The following GRIK5 variants were observed in gnomAD, a reference collection of about 807,000 sequenced individuals.
The protein encoded by GRIK5 is glutamate ionotropic receptor kainate type subunit 5.
A neutral mutation model predicts 97.4 loss-of-function variants in GRIK5; 43 were observed. That is an observed-to-expected ratio of 0.44 (90% CI 0.35 to 0.57). GRIK5 has a LOEUF of 0.57. Among genes scored for constraint, GRIK5 ranks in the 20% least tolerant of loss-of-function variants. The pLI is 0.01. For synonymous variants in GRIK5, 580 were observed against 583.5 expected, an observed-to-expected ratio of 0.99 and a Z score of 0.09; for missense variants, 1,015 against 1,382.0, an observed-to-expected ratio of 0.73 and a Z score of 4.21.
In GRIK5 at chr19:42,051,861, A is replaced by G. The variant is rs973305495; in HGVS notation, c.1269+1741T>C. On this transcript the variant is annotated intron_variant, in intron 11 of 19. Transcript: ENST00000593562. ...CCTCCTGCCGCTCCTGCTGCCTGGG[A>G]TATTTTCTGGGCACCCAACTCCTAT... 2.6e-5 allele frequency among the ~76,000 whole-genome samples: 4 copies of G among 152,088 alleles called. No individual in the cohort carries two copies. The East Asian group carries it at 5.8e-4, about 22-fold the overall frequency.
In GRIK5 at chr19:42,062,358, G is replaced by A. The variant is rs180708912; in HGVS notation, c.508+130C>T. ...CCAGAGGCCTCGGTTTCTGAAGATG[G>A]GAGAAGAGCCTGGTGCCTGGGTGCC... is the stretch of plus-strand genomic sequence containing the variant. On this transcript the variant is annotated intron_variant, in intron 5 of 19. Coordinates refer to ENST00000593562, the MANE Select transcript of GRIK5 (RefSeq NM_002088.5). The surrounding 1 kb of genome is among the most constrained non-coding windows in gnomAD (Gnocchi z 5.3). 268 of 831,450 alleles carry A rather than the reference G, an allele frequency of 3.2e-4. No homozygotes were observed. The African/African-American group carries it at 4.4e-3, about 14-fold the overall frequency. The allele number at this position is 831,450 out of a possible 1,614,324, so 51.5% of individuals were successfully genotyped here.
Position 42,003,657 on chromosome 19 carries a change from G to C in GRIK5, c.2290C>G (p.Leu764Val). Residue 764 changes from leucine to valine, a missense_variant, in exon 18 of 20, where the codon CTG (leucine) becomes GTG (valine). Coordinates refer to ENST00000593562, the MANE Select transcript of GRIK5 (RefSeq NM_002088.5). The surrounding 1 kb of genome is among the most constrained non-coding windows in gnomAD (Gnocchi z 4.2). The part of the protein sequence containing the change: ...LGSPFRDEIT[L>V]AILQLQENNR... ...TTCTCCTGAAGCTGCAGGATGGCCAGTGTGATCTCATCCCGGAACGGGGAG... is the reference window on the plus strand; with the variant it reads ...TTCTCCTGAAGCTGCAGGATGGCCACTGTGATCTCATCCCGGAACGGGGAG... 6.2e-7 allele frequency: 1 copy of C among 1,613,470 alleles called. No homozygotes were observed. The highest frequency in any genetic ancestry group is 1.7e-4 in the Middle Eastern group (1 of 6,050).
intron 1 of GRIK5, chr19:42,068,973 C>A: frequency 1.7e-6 from 1 of 581,188 alleles, no homozygotes; most frequent in Non-Finnish European, 3.1e-6. Context: ...TAAGTGAGAG[C>A]CCAAGTAAGA....
At chr19:42,036,801 G>C (rs1430142978) in intron 12 of GRIK5, among the ~76,000 whole-genome samples, 2 of 152,212 alleles carry the variant, frequency 1.3e-5, no homozygotes, top group Non-Finnish European at 2.9e-5. Context: ...TAGCTAAGTA[G>C]ACAAGGCTCC....
At chr19:42,035,834 T>C (rs1043693001) in intron 12 of GRIK5, among the ~76,000 whole-genome samples, 17 of 152,236 alleles carry the variant, frequency 1.1e-4, no homozygotes, top group African/African-American at 4.1e-4. Flanking sequence ...TTTGTACCAT[T>C]TGGTATTTTA....
chr19:42,018,836 C>G (rs2075662615), intron 15 of GRIK5, among the ~76,000 whole-genome samples: 1 of 152,228 alleles, frequency 6.6e-6, no homozygotes, highest in South Asian at 2.1e-4. Context: ...GATCAGCTAC[C>G]AGGCAAGTCC....
chr19:42,029,579 AAAAC>A (rs1283147752), intron 12 of GRIK5, among the ~76,000 whole-genome samples: 2 of 152,124 alleles, frequency 1.3e-5, no homozygotes, highest in Non-Finnish European at 2.9e-5. Context: ...ACTTCGTCTC[AAAAC>A]AAACAAAAAA....
Position 42,042,721 on chromosome 19 carries a change from T to A in GRIK5, c.1304A>T (p.Gln435Leu). The change falls in exon 12 of 20, where the codon CAG (glutamine) becomes CTG (leucine). Residue 435 changes from glutamine (Q) to leucine (L), a missense_variant. Gln to Leu is a moderately radical substitution (Grantham distance 113). This residue lies in a region of GRIK5 where 477 missense variants were observed against 701.1 expected (regional missense o/e 0.68). Transcript: ENST00000593562. This position sits in a 1 kb window ranked among gnomAD's most constrained non-coding sequence, Gnocchi z 6.9. Reference sequence around the variant, plus strand: ...GAAGCGTTCGTTCCCCGACAGGGCCTGGAAGTTGGGCCGGCGCATGACGTA... The same window carrying A: ...GAAGCGTTCGTTCCCCGACAGGGCCAGGAAGTTGGGCCGGCGCATGACGTA... The part of the protein sequence containing the change: ...NPYVMRRPNF[Q>L]ALSGNERFEG... The A allele has an allele frequency of 6.2e-7, 1 of 1,613,658 alleles. No homozygotes were observed. Among genetic ancestry groups the A allele is most frequent in the Non-Finnish European group, 8.5e-7 (1 of 1,179,976 alleles).
chr19:42,038,633 G>A (rs757629634), intron 12 of GRIK5, among the ~76,000 whole-genome samples: 1 of 152,258 alleles, frequency 6.6e-6, no homozygotes, highest in African/African-American at 2.4e-5. Context: ...CTGGAGGGCT[G>A]GAAAGGGCAC....
intron 19 of GRIK5, chr19:42,001,772 C>A: frequency 4.1e-6 from 1 of 243,210 alleles, no homozygotes. Flanking sequence ...AACTGTGAAC[C>A]AATGGAAGCT....
At chr19:42,064,157 C>A (rs1264700561) in intron 3 of GRIK5, among the ~76,000 whole-genome samples, 1 of 152,216 alleles carries the variant, frequency 6.6e-6, no homozygotes, top group Non-Finnish European at 1.5e-5. Context: ...AGACATATAT[C>A]AGAGTACACA....
chr19:42,056,818 G>A lies in GRIK5; in HGVS notation c.747C>T (p.Phe249=). ...FYKYILTTMD[F]PILHLDGIVE... ...CAATACCGTCCAGATGCAGGATGGGGAAGTCCTGGGACCAGGAAGAGGTGG... is the reference window on the plus strand; with the variant it reads ...CAATACCGTCCAGATGCAGGATGGGAAAGTCCTGGGACCAGGAAGAGGTGG... Residue 249 remains phenylalanine, a synonymous_variant, in exon 8 of 20, where the codon TTC becomes TTT. Coordinates refer to ENST00000593562, the MANE Select transcript of GRIK5 (RefSeq NM_002088.5). 3.7e-6 allele frequency: 6 copies of A among 1,614,156 alleles called. No homozygotes were observed. Among genetic ancestry groups the A allele is most frequent in the Non-Finnish European group, 5.1e-6 (6 of 1,179,994 alleles).
chr19:42,006,537 A>T lies in GRIK5; in HGVS notation c.2037+108T>A. On this transcript the variant is annotated intron_variant, in intron 16 of 19. Transcript: ENST00000593562. The surrounding 1 kb of genome is among the most constrained non-coding windows in gnomAD (Gnocchi z 5.3). ...TCTGCTCCCCAGCCTCCAGGCTGTC[A>T]CTGACAATCAGTCCCTCTGACCCAG... 2.1e-6 allele frequency: 2 copies of T among 937,810 alleles called. No homozygotes were observed. The highest frequency in any genetic ancestry group is 3.3e-6 in the Non-Finnish European group (2 of 606,530). 58.1% of individuals were successfully genotyped at this position (937,810 alleles called of 1,614,324 possible). A position where few individuals can be genotyped will look rare whatever the true frequency, so the allele number is the denominator to read the frequency against.
intron 19 of GRIK5, among the ~76,000 whole-genome samples, chr19:42,000,187 G>A (rs1247061360): frequency 2.0e-5 from 3 of 152,348 alleles, no homozygotes; most frequent in South Asian, 2.1e-4. Context: ...CAGAATGAGA[G>A]TCAGACGGGA....
rs2076313389 is a variant in GRIK5 at position 42,065,192 on chromosome 19, C to T, written c.244+31G>A. ...GACTGAGGGCCACCGACCTGCCCTG[C>T]CTCACCCCACGCCCCCATGGCCCCG... On this transcript the variant is annotated intron_variant, in intron 3 of 19. Coordinates refer to ENST00000593562, the MANE Select transcript of GRIK5 (RefSeq NM_002088.5). This position sits in a 1 kb window ranked among gnomAD's most constrained non-coding sequence, Gnocchi z 5.8. 7 of 1,585,998 alleles carry T rather than the reference C, an allele frequency of 4.4e-6. No homozygotes were observed. The highest frequency in any genetic ancestry group is 6.0e-6 in the Non-Finnish European group (7 of 1,162,340).
intron 1 of GRIK5, among the ~76,000 whole-genome samples, chr19:42,066,474 A>G (rs200391658): frequency 0.014 from 1,917 of 133,932 alleles, 25 homozygotes; most frequent in African/African-American, 0.04. Context: ...TAAAAGGGGG[A>G]AAAAAAAAAA....
chr19:42,051,257 C>T (rs1438567186), intron 11 of GRIK5, among the ~76,000 whole-genome samples: 1 of 152,110 alleles, frequency 6.6e-6, no homozygotes, highest in African/African-American at 2.4e-5. Flanking sequence ...GCACCCCCAG[C>T]TTCCCCATGG....
chr19:42,022,650 CCAATT>C lies in GRIK5; in HGVS notation c.1474-301_1474-297del. Reference sequence around the variant, plus strand: ...TGGGGATGGAGGGGTTCCCCAAACTCCAATTCAAGCAGCAACTTCTCCCTAGGGCC... The same window carrying C: ...TGGGGATGGAGGGGTTCCCCAAACTCCAAGCAGCAACTTCTCCCTAGGGCC... On this transcript the variant is annotated intron_variant, in intron 12 of 19. Transcript: ENST00000593562. This position sits in a 1 kb window ranked among gnomAD's most constrained non-coding sequence, Gnocchi z 4.2. 1.0e-6 allele frequency: 1 copy of C among 985,042 alleles called. No individual in the cohort carries two copies. The highest frequency in any genetic ancestry group is 1.2e-6 in the Non-Finnish European group (1 of 829,866). The allele number at this position is 985,042 out of a possible 1,614,324, so 61.0% of individuals were successfully genotyped here.
Position 42,006,152 on chromosome 19 carries a change from C to T in GRIK5, c.2038-204G>A, listed in dbSNP as rs1415236657. Among the ~76,000 whole-genome samples the T allele has an allele frequency of 6.6e-6, 1 of 152,114 alleles. No homozygotes were observed. Among genetic ancestry groups the T allele is most frequent in the Non-Finnish European group, 1.5e-5 (1 of 68,032 alleles). Reference sequence around the variant, plus strand: ...CAAGTCATCCCCACAGCCACTGTGCCCACCACCCACCTGGGGGGCCCGGTG... The same window carrying T: ...CAAGTCATCCCCACAGCCACTGTGCTCACCACCCACCTGGGGGGCCCGGTG... On this transcript the variant is annotated intron_variant, in intron 16 of 19. Coordinates refer to ENST00000593562, the MANE Select transcript of GRIK5 (RefSeq NM_002088.5). The surrounding 1 kb of genome is among the most constrained non-coding windows in gnomAD (Gnocchi z 5.3).
Sources: gnomAD v4.1 joint callset for allele counts (sites outside exome capture counted in the v4.1 genomes callset) on GRCh38, gnomAD v4.1.1 for gene constraint, gnomAD v4.1.1 regional missense constraint, Gnocchi (gnomAD v3.1) non-coding constraint, MANE v1.5 for transcripts, NCBI Gene and HGNC (gene_info 2026-07-23, HGNC 2026-07-21) for gene names.